BBX: variants seen among roughly 807,000 people sequenced by gnomAD.
BBX encodes HMG box transcription factor BBX.
A neutral mutation model predicts 100.2 loss-of-function variants in BBX; 30 were observed. The observed-to-expected ratio is 0.30, with a 90% CI of 0.22 to 0.41. The LOEUF (loss-of-function observed/expected upper bound fraction) is 0.41. Ranked by LOEUF, BBX falls within the 10% of genes least tolerant of loss-of-function variation. BBX has a pLI of 1.00. For synonymous variants in BBX, 376 were observed against 388.1 expected, an observed-to-expected ratio of 0.97 and a Z score of 0.37; for missense variants, 1,023 against 1,129.8, an observed-to-expected ratio of 0.91 and a Z score of 1.35.
At chr3:107,738,385 G>T (rs1409807161) in intron 7 of BBX, among the ~76,000 whole-genome samples, 1 of 152,120 alleles carries the variant, frequency 6.6e-6, no homozygotes, top group Non-Finnish European at 1.5e-5. Flanking sequence ...CCACTTGCCT[G>T]GAGAATAGTT....
intron 2 of BBX, among the ~76,000 whole-genome samples, chr3:107,579,896 T>C (rs1397937685): frequency 1.3e-5 from 2 of 152,344 alleles, no homozygotes; most frequent in African/African-American, 4.8e-5. Flanking sequence ...AGTTTTACTA[T>C]CATTTTCTAT....
intron 3 of BBX, among the ~76,000 whole-genome samples, chr3:107,690,882 GCCC>G (rs33924823): frequency 5.8e-5 from 5 of 85,624 alleles, no homozygotes; most frequent in Non-Finnish European, 8.1e-5. Context: ...TCACTTTGAT[GCCC>G]CCCCCCCTTT....
intron 2 of BBX, among the ~76,000 whole-genome samples, chr3:107,558,589 T>C (rs1479056570): frequency 2.0e-5 from 3 of 152,218 alleles, no homozygotes; most frequent in African/African-American, 7.2e-5. Flanking sequence ...AGGAGCATAA[T>C]TTCCCAGATT....
intron 3 of BBX, among the ~76,000 whole-genome samples, chr3:107,652,036 G>C (rs1304834948): frequency 6.6e-6 from 1 of 152,132 alleles, no homozygotes; most frequent in African/African-American, 2.4e-5. Flanking sequence ...TGCAATGTCT[G>C]TATAGTACTT....
intron 2 of BBX, among the ~76,000 whole-genome samples, chr3:107,534,770 C>T (rs1328823098): frequency 1.3e-5 from 2 of 152,156 alleles, no homozygotes; most frequent in Non-Finnish European, 2.9e-5. Flanking sequence ...TTTATCAGGG[C>T]TCTGTGAAAT....
chr3:107,736,212 A>G (rs1459910347), intron 7 of BBX, among the ~76,000 whole-genome samples: 3 of 152,110 alleles, frequency 2.0e-5, no homozygotes, highest in Non-Finnish European at 2.9e-5. Context: ...TAGAAGTCTC[A>G]TTAGTAAATA....
chr3:107,758,448 A>G (rs2065652055), intron 10 of BBX, among the ~76,000 whole-genome samples: 1 of 152,206 alleles, frequency 6.6e-6, no homozygotes, highest in Admixed American at 6.5e-5. Context: ...ACTATTGGAC[A>G]GTAACAGAGA....
At chr3:107,592,250 C>G (rs1020574996) in intron 2 of BBX, among the ~76,000 whole-genome samples, 1 of 150,122 alleles carries the variant, frequency 6.7e-6, no homozygotes, top group Non-Finnish European at 1.5e-5. Flanking sequence ...ACGTGTGGTT[C>G]CAGCTACTCA....
intron 3 of BBX, among the ~76,000 whole-genome samples, chr3:107,684,371 A>G (rs1253438795): frequency 6.6e-6 from 1 of 152,198 alleles, no homozygotes; most frequent in Non-Finnish European, 1.5e-5. Flanking sequence ...AAGGTCTTCA[A>G]AATTTTTCCC....
chr3:107,695,168 T>C (rs1286201750), intron 3 of BBX, among the ~76,000 whole-genome samples: 1 of 122,108 alleles, frequency 8.2e-6, no homozygotes, highest in Non-Finnish European at 1.7e-5. Flanking sequence ...ATTAATTTTT[T>C]GAAGGGTTTT....
intron 2 of BBX, among the ~76,000 whole-genome samples, chr3:107,625,153 A>G (rs1001385379): frequency 3.9e-5 from 6 of 152,294 alleles, no homozygotes; most frequent in Non-Finnish European, 8.8e-5. Flanking sequence ...ACTTTACTGT[A>G]TCTCCTGTAT....
chr3:107,801,060 T>C lies in BBX; in HGVS notation c.2552-35T>C, dbSNP rs1462434649. The C allele has an allele frequency of 3.8e-6, 6 of 1,592,932 alleles. No individual in the cohort carries two copies. The Admixed American group carries it at 5.0e-5, about 13-fold the overall frequency. On this transcript the variant is annotated intron_variant, in intron 16 of 17. Transcript: ENST00000325805. ...TGTCTCTTCTCTGGAGAGAACAGAG[T>C]GATCCTCTCATGATGGATTTCTCTT...
intron 13 of BBX, among the ~76,000 whole-genome samples, chr3:107,783,290 T>A (rs1183589258): frequency 1.3e-5 from 2 of 152,052 alleles, no homozygotes; most frequent in African/African-American, 2.4e-5. Context: ...TAGTTTTATA[T>A]CTATAATTTG....
intron 2 of BBX, among the ~76,000 whole-genome samples, chr3:107,543,910 A>G (rs1282457574): frequency 1.3e-5 from 2 of 152,252 alleles, no homozygotes; most frequent in African/African-American, 4.8e-5. Context: ...GCGACGCCTC[A>G]TGGTGGCTGT....
chr3:107,694,934 G>A (rs557615818), intron 3 of BBX, among the ~76,000 whole-genome samples: 1 of 151,746 alleles, frequency 6.6e-6, no homozygotes, highest in Non-Finnish European at 1.5e-5. Context: ...GAGGGTGTAT[G>A]TGTCGAGGAA....
chr3:107,524,454 T>G (rs1312128313), intron 1 of BBX: 1 of 152,060 alleles, frequency 6.6e-6, no homozygotes, highest in African/African-American at 2.4e-5. Context: ...TGTATGAAAC[T>G]TAACATAACT....
chr3:107,629,215 A>G (rs1406446492), intron 2 of BBX, among the ~76,000 whole-genome samples: 1 of 152,210 alleles, frequency 6.6e-6, no homozygotes, highest in African/African-American at 2.4e-5. Flanking sequence ...CACAAAAGGA[A>G]GATGAGATGC....
intron 3 of BBX, among the ~76,000 whole-genome samples, chr3:107,693,851 G>C (rs1440469075): frequency 1.3e-5 from 2 of 149,430 alleles, no homozygotes; most frequent in Admixed American, 1.3e-4. Context: ...TCTTCCATTT[G>C]TTTGTATCCT....
At chr3:107,760,702 G>T (rs760345208) in intron 10 of BBX, among the ~76,000 whole-genome samples, 1 of 12,136 alleles carries the variant, frequency 8.2e-5, no homozygotes, top group Non-Finnish European at 2.0e-4. Context: ...TGGAGACCAA[G>T]CACAGGGGAA....
Sources: allele counts gnomAD v4.1 joint callset (sites outside exome capture counted in the v4.1 genomes callset), GRCh38; gene constraint gnomAD v4.1.1; transcripts MANE v1.5; gene names NCBI Gene and HGNC (gene_info 2026-07-23, HGNC 2026-07-21).